The following SFTPD variants were observed in gnomAD, a reference collection of about 807,000 sequenced individuals.
SFTPD encodes pulmonary surfactant-associated protein D.
In SFTPD, 18 loss-of-function variants were observed where a neutral mutation model predicts 34.6. The observed-to-expected ratio is 0.52, with a 90% confidence interval of 0.36 to 0.77. SFTPD has a LOEUF of 0.77. SFTPD is among the 30% of genes least tolerant of loss of function. SFTPD has a pLI of 0.00. For missense variants in SFTPD, 433 were observed against 468.9 expected (o/e 0.92, Z 0.71); for synonymous variants, 155 against 180.9 (o/e 0.86, Z 1.15).
chr10:79,971,370 T>C (rs968867730), intron 1 of SFTPD: 1 of 152,202 alleles, frequency 6.6e-6, no homozygotes, highest in Non-Finnish European at 1.5e-5. Flanking sequence ...AACGTCATCA[T>C]AGAATGAGTA....
At chr10:79,944,789 A>C (rs980109359) in intron 2 of SFTPD, among the ~76,000 whole-genome samples, 1 of 152,066 alleles carries the variant, frequency 6.6e-6, no homozygotes, top group Non-Finnish European at 1.5e-5. Context: ...TTTACCCTCC[A>C]TGATACGTCG....
intron 7 of SFTPD, among the ~76,000 whole-genome samples, chr10:79,939,740 A>C (rs1842593299): frequency 6.6e-6 from 1 of 152,210 alleles, no homozygotes; most frequent in Admixed American, 6.5e-5. Flanking sequence ...TAGAAGCCAA[A>C]CCTGTGTTGC....
rs3135516 is a variant in SFTPD, at chr10:79,942,746, G to A, written c.316+17C>T. On this transcript the variant is annotated intron_variant, in intron 3 of 7. Transcript: ENST00000372292. ...CCACCACCTGGAAACACCTGAAGTC[G>A]ACACCCAGTTGCTCACCACTTGGCC... 7.3e-6 allele frequency: 11 copies of A among 1,497,100 alleles called. No homozygotes were observed. The Admixed American group carries it at 1.0e-4, about 14-fold the overall frequency. 92.7% of individuals were successfully genotyped at this position (1,497,100 alleles called of 1,614,324 possible).
chr10:79,950,552 T>C (rs748838572), upstream of SFTPD: 1 of 152,246 alleles, frequency 6.6e-6, no homozygotes, highest in Non-Finnish European at 1.5e-5. Context: ...AGAAGTCCAT[T>C]GTTAGTCTGT....
At chr10:79,962,291 A>G (rs1589340815) in intron 1 of SFTPD, among the ~76,000 whole-genome samples, 1 of 147,282 alleles carries the variant, frequency 6.8e-6, no homozygotes, top group African/African-American at 2.5e-5. Flanking sequence ...AACTTAAAGT[A>G]TAATAATAAT....
chr10:79,961,392 A>G (rs1206597490), intron 1 of SFTPD, among the ~76,000 whole-genome samples: 2 of 152,120 alleles, frequency 1.3e-5, no homozygotes, highest in Non-Finnish European at 2.9e-5. Flanking sequence ...TTTGCAACCT[A>G]CTCATCTGAT....
chr10:79,970,505 T>C (rs1328055134), intron 1 of SFTPD: 1 of 152,180 alleles, frequency 6.6e-6, no homozygotes, highest in African/African-American at 2.4e-5. Flanking sequence ...ACTGTGAACA[T>C]GGGATATCTT....
At chr10:79,954,263 A>G (rs1282737087) in intron 1 of SFTPD, among the ~76,000 whole-genome samples, 1 of 152,052 alleles carries the variant, frequency 6.6e-6, no homozygotes, top group African/African-American at 2.4e-5. Flanking sequence ...GTATGCTTGC[A>G]TTGGTGAGTC....
intron 1 of SFTPD, among the ~76,000 whole-genome samples, chr10:79,955,596 C>G (rs10887233): frequency 0.15 from 22,295 of 152,190 alleles, 2,069 homozygotes; most frequent in East Asian, 0.41. Context: ...TGCTCAGGTG[C>G]TATCTGTTGT....
chr10:79,981,098 A>C (rs531771780), intron 1 of SFTPD, among the ~76,000 whole-genome samples: 27 of 152,336 alleles, frequency 1.8e-4, no homozygotes, highest in African/African-American at 6.5e-4. Context: ...GAGGGAATTC[A>C]GAATCCTGTT....
chr10:79,982,326 C>A, intron 1 of SFTPD: 1 of 963,940 alleles, frequency 1.0e-6, no homozygotes, highest in South Asian at 3.5e-5. Flanking sequence ...CAGCCCAGCG[C>A]CTCGGGCGGC....
upstream of SFTPD, among the ~76,000 whole-genome samples, chr10:79,952,717 C>T (rs548316931): frequency 1.0e-5 from 1 of 95,986 alleles, no homozygotes; most frequent in East Asian, 3.3e-4. Context: ...AACACAAGGG[C>T]TGGGATTCCT....
rs17879434 is a variant in SFTPD at position 79,938,893 on chromosome 10, T to C, written c.752-665A>G. Among the ~76,000 whole-genome samples, 480 of 152,234 alleles carry C rather than the reference T, an allele frequency of 3.2e-3. 5 individuals carry two copies. The highest frequency in any genetic ancestry group is 0.011 in the African/African-American group (457 of 41,546). On this transcript the variant is annotated intron_variant, in intron 7 of 7. Transcript: ENST00000372292. ...GCCAGTCAGCCTGCCTGGGAGGTGC[T>C]GAGGGAGTGGAGGAGAGCATCTGAA...
At chr10:79,945,878 T>C (rs1001012149) in intron 2 of SFTPD, among the ~76,000 whole-genome samples, 2 of 152,180 alleles carry the variant, frequency 1.3e-5, no homozygotes, top group African/African-American at 4.8e-5. Flanking sequence ...CATCATCATT[T>C]TCTTACCTGT....
chr10:79,940,613 G>A (rs1478046643), intron 7 of SFTPD, 92 bp downstream of exon 7: 2 of 810,284 alleles, frequency 2.5e-6, no homozygotes, highest in African/African-American at 1.7e-5. Flanking sequence ...TCCAGCCAAA[G>A]GTCTAGCCCC....
rs1406845427 is a variant in SFTPD at position 79,967,534 on chromosome 10, A to G, written c.36+15041T>C. 5.0e-5 allele frequency among the ~76,000 whole-genome samples: 7 copies of G among 141,280 alleles called. 1 individual carries two copies. Among genetic ancestry groups the G allele is most frequent in the East Asian group, 2.9e-4 (1 of 3,508 alleles). The allele number at this position is 141,280 out of a possible 152,430, so 92.7% of individuals were successfully genotyped here. Reference sequence around the variant, plus strand: ...AAAAGAACAAAGCTGGAGGCATCACACTACCTGACTTCAAATTATACTACA... The same window carrying G: ...AAAAGAACAAAGCTGGAGGCATCACGCTACCTGACTTCAAATTATACTACA... On this transcript the variant is annotated intron_variant, in intron 1 of 5. Transcript: ENST00000444384.
At chr10:79,958,863 A>T (rs1030023771) in intron 1 of SFTPD, among the ~76,000 whole-genome samples, 38 of 151,960 alleles carry the variant, frequency 2.5e-4, no homozygotes, top group African/African-American at 8.9e-4. Flanking sequence ...ACCACACCAC[A>T]CCTATTCCAA....
At chr10:79,982,150 G>A (rs1842894748) in intron 1 of SFTPD, 4 of 378,676 alleles carry the variant, frequency 1.1e-5, no homozygotes, top group South Asian at 1.5e-4. Flanking sequence ...GGCGCGCCTG[G>A]CGGGGCAGGG....
At chr10:79,951,658 GTGCAATTCAATC>G (rs1206921834), upstream of SFTPD, among the ~76,000 whole-genome samples, 1 of 152,152 alleles carries the variant, frequency 6.6e-6, no homozygotes, top group Non-Finnish European at 1.5e-5. Flanking sequence ...TTATTTGGTT[GTGCAATTCAATC>G]TGCATCCCAA....
Sources: allele counts gnomAD v4.1 joint callset (sites outside exome capture counted in the v4.1 genomes callset), GRCh38; gene constraint gnomAD v4.1.1; transcripts MANE v1.5; gene names NCBI Gene and HGNC (gene_info 2026-07-23, HGNC 2026-07-21).